Variants in LILRA1 observed in about 807,000 individuals in gnomAD.
The protein encoded by LILRA1 is leukocyte immunoglobulin like receptor A1.
A neutral mutation model predicts 51.6 loss-of-function variants in LILRA1; 51 were observed. That is an observed-to-expected ratio of 0.99 (90% CI 0.79 to 1.25). The LOEUF (loss-of-function observed/expected upper bound fraction) is 1.25. Among genes scored for constraint, LILRA1 ranks in the 50% most tolerant of loss-of-function variants. The pLI is 0.00. For missense variants in LILRA1, 660 were observed against 611.7 expected (o/e 1.08, Z -0.83); for synonymous variants, 305 against 248.4 (o/e 1.23, Z -2.14).
chr19:54,595,736 C>G lies in LILRA1; in HGVS notation c.759C>G (p.Asp253Glu). 6.2e-7 allele frequency: 1 copy of G among 1,614,076 alleles called. No individual in the cohort carries two copies. Among genetic ancestry groups the G allele is most frequent in the Non-Finnish European group, 8.5e-7 (1 of 1,179,978 alleles). The change falls in exon 6 of 10, where the codon GAC becomes GAG. Residue 253 changes from aspartate (D) to glutamate (E), a missense_variant. Asp to Glu is a conservative substitution (Grantham distance 45). Coordinates refer to ENST00000251372, the MANE Select transcript of LILRA1 (RefSeq NM_006863.4). ...TLQCVSDVSY[D>E]RFVLYKEGER... ...AGTGTGTTTCTGATGTCAGCTACGA[C>G]AGATTTGTTCTGTATAAGGAGGGAG...
intron 3 of LILRA1, 27 bp downstream of exon 3, chr19:54,594,503 T>C (rs779145927): frequency 1.2e-6 from 2 of 1,613,932 alleles, no homozygotes; most frequent in East Asian, 2.2e-5. Flanking sequence ...CTCTCCCAGG[T>C]CCCTCCTCCT....
At chr19:54,597,210 C>T (rs192937261) in intron 7 of LILRA1, among the ~76,000 whole-genome samples, 158 of 152,190 alleles carry the variant, frequency 1.0e-3, no homozygotes, top group African/African-American at 3.6e-3. Flanking sequence ...CATCTCAATG[C>T]TACCTCTAAT....
At chr19:54,597,303 A>G (rs184390156) in intron 7 of LILRA1, among the ~76,000 whole-genome samples, 37 of 152,236 alleles carry the variant, frequency 2.4e-4, no homozygotes, top group South Asian at 6.2e-4. Flanking sequence ...TGCTCCAGGG[A>G]TGGGGCAGGT....
Position 54,600,790 on chromosome 19 carries a change from G to A in LILRA1, c.1443G>A (p.Glu481=), listed in dbSNP as rs1391502825. ...TGGTCCTCGGGATTCTGCTATTTGA[G>A]GCTCAGCACAGCCAGAGAAGCCTCT... ...VLVVLGILLF[E]AQHSQRSL Residue 481 remains glutamate, a synonymous_variant, in exon 10 of 10, where the codon GAG becomes GAA. Transcript: ENST00000251372. 1 of 1,614,148 alleles carries A rather than the reference G, an allele frequency of 6.2e-7. No individual in the cohort carries two copies. The highest frequency in any genetic ancestry group is 1.7e-5 in the Admixed American group (1 of 60,024).
At chr19:54,599,666 T>A (rs898754863) in intron 8 of LILRA1, 2 of 810,716 alleles carry the variant, frequency 2.5e-6, no homozygotes, top group Non-Finnish European at 3.2e-6. Context: ...TCACTTTAAA[T>A]GTCAATATAT....
At chr19:54,597,079 C>A (rs974393424) in intron 7 of LILRA1, among the ~76,000 whole-genome samples, 10 of 152,254 alleles carry the variant, frequency 6.6e-5, no homozygotes, top group Admixed American at 3.9e-4. Context: ...GAGGCCCCAC[C>A]TGCTCCCCTC....
chr19:54,598,870 A>G (rs1486787527), intron 7 of LILRA1, among the ~76,000 whole-genome samples: 4 of 152,252 alleles, frequency 2.6e-5, no homozygotes, highest in African/African-American at 9.6e-5. Context: ...ATCTTGGCTC[A>G]CTGCAACCTC....
chr19:54,596,596 G>C (rs1289279600), intron 7 of LILRA1, 105 bp downstream of exon 7: 3 of 1,498,426 alleles, frequency 2.0e-6, no homozygotes, highest in Middle Eastern at 2.1e-4. Context: ...GGCTGGGCAC[G>C]GTGGCTTACA....
In LILRA1 at chr19:54,594,458, C is replaced by G; in HGVS notation, c.52C>G (p.Arg18Gly). ...TCTTCCAGGGCTGAGTCTGGGCCCC[C>G]GGACCCACGTGCAGGCAGGTGAGTC... Reference protein sequence around the residue: ...LICLRLSLGPRTHVQAGTLPK... With the variant: ...LICLRLSLGPGTHVQAGTLPK... Residue 18 changes from arginine (R) to glycine (G), a missense_variant, in exon 3 of 10, where the codon CGG becomes GGG. Arg to Gly is a moderately radical substitution (Grantham distance 125, BLOSUM62 -2). Transcript: ENST00000251372. The G allele has an allele frequency of 1.3e-6, 2 of 1,493,140 alleles. No homozygotes were observed. The highest frequency in any genetic ancestry group is 1.8e-6 in the Non-Finnish European group (2 of 1,100,178). 92.5% of individuals were successfully genotyped at this position (1,493,140 alleles called of 1,614,324 possible). A position where few individuals can be genotyped will look rare whatever the true frequency, so the allele number is the denominator to read the frequency against.
chr19:54,599,175 A>G (rs918708782), intron 7 of LILRA1, 61 bp from the exon 8 acceptor site: 3 of 1,462,948 alleles, frequency 2.1e-6, no homozygotes, highest in Admixed American at 1.8e-5. Context: ...ATAATCTTAT[A>G]TAGAATTTGT....
intron 6 of LILRA1, 111 bp from the exon 7 acceptor site, chr19:54,596,078 G>GGGGGGC: frequency 1.4e-6 from 1 of 739,534 alleles, no homozygotes; most frequent in Non-Finnish European, 2.1e-6. Context: ...GCGGGGCGGG[G>GGGGGGC]AAGACTCAGA....
intron 8 of LILRA1, 58 bp from the exon 9 acceptor site, chr19:54,600,454 A>T (rs575273822): frequency 2.6e-6 from 4 of 1,566,376 alleles, no homozygotes; most frequent in Non-Finnish European, 3.5e-6. Flanking sequence ...GAAGATAAGA[A>T]TGCAGAGCCC....
Position 54,594,853 on chromosome 19 carries a change from T to C in LILRA1, c.259T>C (p.Ser87Pro). 6.2e-7 allele frequency: 1 copy of C among 1,614,112 alleles called. No homozygotes were observed. Among genetic ancestry groups the C allele is most frequent in the East Asian group, 2.2e-5 (1 of 44,874 alleles). The change falls in exon 4 of 10, where the codon TCC becomes CCC. Residue 87 changes from serine to proline, a missense_variant. Ser to Pro is a moderately conservative substitution (Grantham distance 74, BLOSUM62 -1). Coordinates refer to ENST00000251372, the MANE Select transcript of LILRA1 (RefSeq NM_006863.4). ...IVKKGQFPIP[S>P]ITWEHTGRYR... ...GAAGAAGGGCCAGTTCCCCATCCCA[T>C]CCATCACCTGGGAACACACAGGGCG...
intron 6 of LILRA1, 77 bp from the exon 7 acceptor site, chr19:54,596,112 G>T (rs1184860487): frequency 1.9e-6 from 3 of 1,554,132 alleles, no homozygotes; most frequent in South Asian, 2.4e-5. Context: ...GAGACTGAGG[G>T]TCCCAGATAG....
At position 54,594,958 on chromosome 19, in the gene LILRA1, C is replaced by A. The variant is rs555037911; in HGVS notation, c.358+6C>A. 1.5e-5 allele frequency: 24 copies of A among 1,613,658 alleles called. No individual in the cohort carries two copies. Among genetic ancestry groups the A allele is most frequent in the Admixed American group, 3.3e-5 (2 of 60,006 alleles). ...CCTGGAGCTGGTGGTGACAGGTGAG[C>A]TGACACTGAGGGCTCCCAGCCCCAG... On this transcript the variant is annotated splice_donor_region_variant and intron_variant, in intron 4 of 9. Coordinates refer to ENST00000251372, the MANE Select transcript of LILRA1 (RefSeq NM_006863.4).
Position 54,602,239 on chromosome 19 carries a change from C to T in LILRA1, c.*1422C>T, listed in dbSNP as rs962096738. The stretch of plus-strand genomic sequence containing the variant: ...AAGAAATCTTATCATTCACCGTCTA[C>T]CCTCTAGAGTAAACAAATCTTATCA... On this transcript the variant is annotated 3_prime_UTR_variant, in exon 10 of 10. Coordinates refer to ENST00000251372, the MANE Select transcript of LILRA1 (RefSeq NM_006863.4). The T allele has an allele frequency of 4.6e-5, 7 of 151,988 alleles. No homozygotes were observed. The highest frequency in any genetic ancestry group is 6.6e-5 in the Admixed American group (1 of 15,262). 9.4% of individuals were successfully genotyped at this position (151,988 alleles called of 1,614,324 possible). A position where few individuals can be genotyped will look rare whatever the true frequency, so the allele number is the denominator to read the frequency against.
At chr19:54,598,059 G>A (rs897555534) in intron 7 of LILRA1, among the ~76,000 whole-genome samples, 5 of 151,372 alleles carry the variant, frequency 3.3e-5, no homozygotes, top group East Asian at 2.0e-4. Flanking sequence ...CAGGGCACCC[G>A]GAGACTAAGG....
At chr19:54,596,832 A>C (rs1344084896) in intron 7 of LILRA1, among the ~76,000 whole-genome samples, 1 of 151,974 alleles carries the variant, frequency 6.6e-6, no homozygotes, top group African/African-American at 2.4e-5. Context: ...ATGCCACTGC[A>C]CTCAATCCTG....
Position 54,594,906 on chromosome 19 carries a change from T to C in LILRA1, c.312T>C (p.Thr104=), listed in dbSNP as rs776886673. The change falls in exon 4 of 10, where the codon ACT becomes ACC. Residue 104 remains threonine (T), a synonymous_variant. Transcript: ENST00000251372. Reference sequence around the variant, plus strand: ...ATCGCTGTTTCTACGGTAGCCACACTGCAGGCTGGTCAGAGCCCAGTGACC... The same window carrying C: ...ATCGCTGTTTCTACGGTAGCCACACCGCAGGCTGGTCAGAGCCCAGTGACC... The part of the protein sequence containing the change: ...GRYRCFYGSH[T]AGWSEPSDPL... 6 of 1,614,098 alleles carry C rather than the reference T, an allele frequency of 3.7e-6. No homozygotes were observed. The Admixed American group carries it at 1.0e-4, about 27-fold the overall frequency.
Sources: gnomAD v4.1 joint callset for allele counts (sites outside exome capture counted in the v4.1 genomes callset) on GRCh38, gnomAD v4.1.1 for gene constraint, MANE v1.5 for transcripts, NCBI Gene and HGNC (gene_info 2026-07-23, HGNC 2026-07-21) for gene names.